MYOF: variants seen among roughly 807,000 people sequenced by gnomAD.
MYOF encodes the protein myoferlin.
MYOF carries 244 observed loss-of-function variants against 284.2 expected under a neutral mutation model. The ratio of observed to expected loss-of-function variants is 0.86; its 90% CI spans 0.77 to 0.95. The LOEUF is 0.95. Ranked by LOEUF, MYOF falls within the 40% of genes least tolerant of loss-of-function variation. The pLI is 0.00. For synonymous variants in MYOF, 904 were observed against 919.7 expected (o/e 0.98, Z 0.31); for missense variants, 2,496 against 2,560.6 (o/e 0.97, Z 0.54).
At chr10:93,469,496 T>A (rs1012224257) in intron 1 of MYOF, among the ~76,000 whole-genome samples, 1 of 152,078 alleles carries the variant, frequency 6.6e-6, no homozygotes, top group Non-Finnish European at 1.5e-5. Flanking sequence ...TCATAATGTG[T>A]CCAACACCCT....
At position 93,381,167 on chromosome 10, in the gene MYOF, C is replaced by T. The variant is rs117215000; in HGVS notation, c.1876+52G>A. The T allele has an allele frequency of 3.1e-5, 49 of 1,585,596 alleles. No individual in the cohort carries two copies. The East Asian group carries it at 5.4e-4, about 17-fold the overall frequency. On this transcript the variant is annotated intron_variant, in intron 20 of 53. Coordinates refer to ENST00000359263, the MANE Select transcript of MYOF (RefSeq NM_013451.4). The stretch of plus-strand genomic sequence containing the variant: ...AAGACACAGTGCTTGCTTCCGGTCC[C>T]GTGGTGCACCCATTGTAAACGTGTG...
At chr10:93,401,893 C>T (rs1847314036) in intron 11 of MYOF, among the ~76,000 whole-genome samples, 1 of 151,794 alleles carries the variant, frequency 6.6e-6, no homozygotes, top group Non-Finnish European at 1.5e-5. Flanking sequence ...CACCCAGTTT[C>T]CTAGAATAAT....
chr10:93,380,064 C>G lies in MYOF; in HGVS notation c.1877-77G>C, dbSNP rs1373126660. 5.7e-5 allele frequency: 87 copies of G among 1,530,866 alleles called. 1 individual carries two copies. Among genetic ancestry groups the G allele is most frequent in the Non-Finnish European group, 2.8e-5 (31 of 1,126,260 alleles). 94.8% of individuals were successfully genotyped at this position (1,530,866 alleles called of 1,614,324 possible). A position where few individuals can be genotyped will look rare whatever the true frequency, so the allele number is the denominator to read the frequency against. On this transcript the variant is annotated intron_variant, in intron 20 of 53. Coordinates refer to ENST00000359263, the MANE Select transcript of MYOF (RefSeq NM_013451.4). ...CATGTTTATTAAAGAGATGTGCAGACTGAGCTGCTGATTAATCCACAGGCT... is the reference window on the plus strand; with the variant it reads ...CATGTTTATTAAAGAGATGTGCAGAGTGAGCTGCTGATTAATCCACAGGCT...
At chr10:93,376,272 A>T (rs1241099545) in intron 22 of MYOF, among the ~76,000 whole-genome samples, 6 of 152,156 alleles carry the variant, frequency 3.9e-5, no homozygotes, top group Admixed American at 3.9e-4. Context: ...CCAGAGTGAG[A>T]CTTTGAGGCA....
intron 5 of MYOF, among the ~76,000 whole-genome samples, chr10:93,425,442 C>T (rs1160392028): frequency 6.6e-6 from 1 of 152,086 alleles, no homozygotes; most frequent in Non-Finnish European, 1.5e-5. Context: ...TCTTGTAGGC[C>T]CTCCCTCCCT....
At chr10:93,457,736 A>ATT (rs5787062) in intron 1 of MYOF, among the ~76,000 whole-genome samples, 3,526 of 142,180 alleles carry the variant, frequency 0.025, 69 homozygotes, top group African/African-American at 0.054. Context: ...ATCTCATCTA[A>ATT]TTTTTTTTTT....
At chr10:93,375,607 C>A (rs751055118) in intron 22 of MYOF, among the ~76,000 whole-genome samples, 1 of 152,176 alleles carries the variant, frequency 6.6e-6, no homozygotes, top group Non-Finnish European at 1.5e-5. Context: ...GTGGGACATG[C>A]TTTTTAGGGC....
chr10:93,354,382 A>G (rs1176372447), intron 31 of MYOF, among the ~76,000 whole-genome samples: 2 of 152,170 alleles, frequency 1.3e-5, no homozygotes, highest in African/African-American at 4.8e-5. Flanking sequence ...GGTCTTAAAA[A>G]CAAAAATCCT....
intron 1 of MYOF, among the ~76,000 whole-genome samples, chr10:93,468,953 A>G (rs1407825305): frequency 6.6e-6 from 1 of 152,206 alleles, no homozygotes; most frequent in South Asian, 2.1e-4. Flanking sequence ...AGGACCAAGC[A>G]TCCCAAGACC....
intron 50 of MYOF, among the ~76,000 whole-genome samples, chr10:93,314,465 C>T (rs1172546201): frequency 1.3e-5 from 2 of 152,160 alleles, no homozygotes; most frequent in Non-Finnish European, 2.9e-5. Context: ...GAGCCCTTTC[C>T]TTAAGAAAAT....
intron 15 of MYOF, 36 bp from the exon 16 acceptor site, chr10:93,396,260 A>C: frequency 6.9e-7 from 1 of 1,453,756 alleles, no homozygotes; most frequent in East Asian, 2.5e-5. Context: ...ATAAAAAATA[A>C]AAGGTTCAGA....
chr10:93,404,460 TAACTA>T (rs369750087), intron 7 of MYOF, among the ~76,000 whole-genome samples: 2 of 152,086 alleles, frequency 1.3e-5, no homozygotes, highest in East Asian at 1.9e-4. Context: ...AGCATTTACT[TAACTA>T]AAGAAAATTG....
rs1363264672 is a variant in MYOF at position 93,323,294 on chromosome 10, T to A, written c.5336A>T (p.Asn1779Ile). The change falls in exon 47 of 54, where the codon AAC becomes ATC. Residue 1779 changes from asparagine (N) to isoleucine (I), a missense_variant. This residue lies in a region of MYOF where 2,436 missense variants were observed against 2,480.7 expected (regional missense o/e 0.98). Transcript: ENST00000359263. ...KSLGPPGPPF[N>I]ITPRKAKKYY... The stretch of plus-strand genomic sequence containing the variant: ...CTTCTTGGCTTTCCGGGGTGTGATG[T>A]TGAAAGGAGGGCCTGGTGGCCCCAA... The A allele has an allele frequency of 6.2e-7, 1 of 1,613,988 alleles. No homozygotes were observed. Among genetic ancestry groups the A allele is most frequent in the Non-Finnish European group, 8.5e-7 (1 of 1,179,968 alleles).
chr10:93,429,877 G>T (rs1848756247), intron 4 of MYOF, among the ~76,000 whole-genome samples: 1 of 151,970 alleles, frequency 6.6e-6, no homozygotes, highest in Non-Finnish European at 1.5e-5. Flanking sequence ...TAAAGCACAT[G>T]CACTAGAGAA....
chr10:93,357,367 T>C (rs533446875), intron 29 of MYOF, among the ~76,000 whole-genome samples: 2 of 152,354 alleles, frequency 1.3e-5, no homozygotes, highest in Admixed American at 6.5e-5. Flanking sequence ...CAAATTCGTG[T>C]GGTACTTTTT....
At chr10:93,313,352 G>A (rs1842480543) in intron 50 of MYOF, 142 bp from the exon 51 acceptor site, 1 of 731,798 alleles carries the variant, frequency 1.4e-6, no homozygotes, top group Non-Finnish European at 2.1e-6. Context: ...AGGGAGCCTG[G>A]TGGACATTTA....
chr10:93,430,540 C>T (rs1848795497), intron 4 of MYOF, among the ~76,000 whole-genome samples: 1 of 150,358 alleles, frequency 6.7e-6, no homozygotes, highest in Non-Finnish European at 1.5e-5. Flanking sequence ...CGAGATCATG[C>T]CACTGCCCTC....
chr10:93,332,059 C>G (rs970469827), intron 43 of MYOF, among the ~76,000 whole-genome samples: 12 of 152,100 alleles, frequency 7.9e-5, no homozygotes, highest in African/African-American at 2.9e-4. Flanking sequence ...ACTTACCCCA[C>G]CTCTATTAAT....
chr10:93,407,737 CAA>C lies in MYOF; in HGVS notation c.729+1048_729+1049del, dbSNP rs34172104. Among the ~76,000 whole-genome samples, 365 of 95,142 alleles carry C rather than the reference CAA, an allele frequency of 3.8e-3. 3 individuals carry two copies. The highest frequency in any genetic ancestry group is 0.011 in the Middle Eastern group (2 of 190). The allele number at this position is 95,142 out of a possible 152,430, so 62.4% of individuals were successfully genotyped here. On this transcript the variant is annotated intron_variant, in intron 7 of 53. Coordinates refer to ENST00000359263, the MANE Select transcript of MYOF (RefSeq NM_013451.4). ...TGGGCGACAGAGCCAGACTCTGTCT[CAA>C]AAAAAAAAAAAAAAAAAAATTTATC...
Sources: allele counts gnomAD v4.1 joint callset (sites outside exome capture counted in the v4.1 genomes callset), GRCh38; gene constraint gnomAD v4.1.1; regional missense constraint gnomAD v4.1.1; transcripts MANE v1.5; gene names NCBI Gene and HGNC (gene_info 2026-07-23, HGNC 2026-07-21).